The following LCOR variants were observed in gnomAD, a reference collection of about 807,000 sequenced individuals.
The protein encoded by LCOR is ligand dependent nuclear receptor corepressor.
LCOR carries 14 observed loss-of-function variants against 64.4 expected under a neutral mutation model. That is an observed-to-expected ratio of 0.22 (90% CI 0.14 to 0.34). LCOR has a LOEUF of 0.34. LCOR is among the 10% of genes least tolerant of loss of function. LCOR has a pLI of 1.00. For synonymous variants in LCOR, 643 were observed against 642.5 expected, an observed-to-expected ratio of 1.00 and a Z score of -0.01; for missense variants, 1,686 against 1,765.3, an observed-to-expected ratio of 0.96 and a Z score of 0.80.
intron 6 of LCOR, 110 bp from the exon 7 acceptor site, chr10:96,951,993 A>G: frequency 2.9e-6 from 2 of 679,242 alleles, no homozygotes; most frequent in South Asian, 3.7e-5. Flanking sequence ...TGACTAGCAT[A>G]TCTGCTTAGT....
chr10:96,945,418 A>G (rs933740412), intron 5 of LCOR, among the ~76,000 whole-genome samples: 3 of 152,078 alleles, frequency 2.0e-5, no homozygotes, highest in African/African-American at 4.8e-5. Flanking sequence ...ATTTTCTTCC[A>G]TTAGATCCCT....
chr10:96,874,985 C>G (rs1373638426), intron 2 of LCOR, among the ~76,000 whole-genome samples: 2 of 152,018 alleles, frequency 1.3e-5, no homozygotes, highest in Non-Finnish European at 2.9e-5. Context: ...GAGATTCCAT[C>G]CAGACATCTT....
At chr10:96,970,864 C>T in intron 7 of LCOR, among the ~76,000 whole-genome samples, 1 of 151,964 alleles carries the variant, frequency 6.6e-6, no homozygotes, top group Admixed American at 6.6e-5. Flanking sequence ...GGCAATCCTC[C>T]TGCCTCGGCC....
intron 2 of LCOR, among the ~76,000 whole-genome samples, chr10:96,873,569 CACGTGTGTGTGT>C (rs1430285133): frequency 7.2e-5 from 6 of 83,462 alleles, no homozygotes; most frequent in African/African-American, 2.3e-4. Flanking sequence ...CACACACACA[CACGTGTGTGTGT>C]GTGTGTGTGT....
chr10:96,957,705 A>G, intron 7 of LCOR: 8 of 985,428 alleles, frequency 8.1e-6, no homozygotes, highest in Non-Finnish European at 9.6e-6. Flanking sequence ...AATTAATTAA[A>G]TTAGGTTAAG....
chr10:96,972,549 G>A (rs1848007518), intron 7 of LCOR, among the ~76,000 whole-genome samples: 1 of 152,144 alleles, frequency 6.6e-6, no homozygotes, highest in South Asian at 2.1e-4. Context: ...ACATTTGTCT[G>A]TAGGGTAAAA....
chr10:96,903,841 G>A (rs1377198008), intron 2 of LCOR, among the ~76,000 whole-genome samples: 1 of 152,172 alleles, frequency 6.6e-6, no homozygotes, highest in Non-Finnish European at 1.5e-5. Context: ...TTCTGTGAGA[G>A]AAACATTGTT....
Position 96,985,958 on chromosome 10 carries a change from C to T in LCOR, c.*824C>T, listed in dbSNP as rs922203324. On this transcript the variant is annotated 3_prime_UTR_variant, in exon 8 of 8. Transcript: ENST00000421806. ...CTCCTGCAAGGCTTCCATCCTACTTCGGGAGGAAAAAGCCTAGGATTTTTT... is the reference window on the plus strand; with the variant it reads ...CTCCTGCAAGGCTTCCATCCTACTTTGGGAGGAAAAAGCCTAGGATTTTTT... 4.2e-5 allele frequency: 7 copies of T among 166,936 alleles called. No homozygotes were observed. Among genetic ancestry groups the T allele is most frequent in the Admixed American group, 2.6e-4 (4 of 15,308 alleles). 10.3% of individuals were successfully genotyped at this position (166,936 alleles called of 1,614,324 possible). A position where few individuals can be genotyped will look rare whatever the true frequency, so the allele number is the denominator to read the frequency against.
intron 2 of LCOR, among the ~76,000 whole-genome samples, chr10:96,869,688 C>A (rs1424189021): frequency 6.6e-6 from 1 of 151,740 alleles, no homozygotes; most frequent in Admixed American, 6.6e-5. Flanking sequence ...GATTCTCCTG[C>A]CTCAGCCTTC....
intron 2 of LCOR, among the ~76,000 whole-genome samples, chr10:96,857,442 G>T (rs113385760): frequency 9.9e-5 from 15 of 152,268 alleles, no homozygotes; most frequent in African/African-American, 3.6e-4. Flanking sequence ...ATCATGTCCA[G>T]CTTCAGCTGG....
At chr10:96,906,749 T>C (rs182138672) in intron 2 of LCOR, among the ~76,000 whole-genome samples, 1 of 152,334 alleles carries the variant, frequency 6.6e-6, no homozygotes, top group Non-Finnish European at 1.5e-5. Flanking sequence ...CAAAAGTCTT[T>C]TAAAAGTCTT....
chr10:96,927,407 A>G (rs1171130560), intron 4 of LCOR, among the ~76,000 whole-genome samples: 4 of 152,162 alleles, frequency 2.6e-5, no homozygotes, highest in South Asian at 2.1e-4. Context: ...ATGTTATACA[A>G]ATATTTTCTC....
At chr10:96,841,520 C>A (rs1845541312) in intron 2 of LCOR, among the ~76,000 whole-genome samples, 1 of 151,820 alleles carries the variant, frequency 6.6e-6, no homozygotes, top group Admixed American at 6.6e-5. Flanking sequence ...GCCACCATGC[C>A]CGGCTAATTT....
chr10:96,867,884 AT>A (rs903272314), intron 2 of LCOR, among the ~76,000 whole-genome samples: 1 of 151,176 alleles, frequency 6.6e-6, no homozygotes, highest in African/African-American at 2.4e-5. Context: ...GAATATATTA[AT>A]TTTTTTTTCT....
intron 4 of LCOR, among the ~76,000 whole-genome samples, chr10:96,915,384 G>A (rs1425159725): frequency 1.3e-5 from 2 of 152,252 alleles, no homozygotes; most frequent in East Asian, 3.9e-4. Context: ...AGCCAGGCGT[G>A]GTGACGTGCG....
At position 96,920,786 on chromosome 10, in the gene LCOR, ACACACG is replaced by A. The variant is rs1245188376; in HGVS notation, c.-184+13041_-184+13046del. On this transcript the variant is annotated intron_variant, in intron 4 of 7. Transcript: ENST00000421806. The stretch of plus-strand genomic sequence containing the variant: ...CACACACACACACACACACACACAC[ACACACG>A]CGCGGTGGGGGGGTGGTGGGCGGGA... 3.9e-3 allele frequency among the ~76,000 whole-genome samples: 461 copies of A among 117,918 alleles called. 12 individuals are homozygous for A. Among genetic ancestry groups the A allele is most frequent in the Admixed American group, 5.6e-3 (72 of 12,816 alleles). The allele number at this position is 117,918 out of a possible 152,430, so 77.4% of individuals were successfully genotyped here.
chr10:96,924,612 C>A (rs1041461794), intron 4 of LCOR, among the ~76,000 whole-genome samples: 3 of 151,784 alleles, frequency 2.0e-5, no homozygotes, highest in African/African-American at 7.3e-5. Context: ...TACAAAAATA[C>A]CTATATACCC....
intron 4 of LCOR, among the ~76,000 whole-genome samples, chr10:96,927,455 GT>G (rs879474796): frequency 1.4e-3 from 206 of 148,328 alleles, no homozygotes; most frequent in South Asian, 1.7e-3. Flanking sequence ...TTGAAAAGCA[GT>G]TTTTTTTTTA....
rs768032236 is a variant in LCOR at position 96,984,244 on chromosome 10, C to T, written c.3784C>T (p.Arg1262Ter). The stretch of plus-strand genomic sequence containing the variant: ...AATGCAGAAGCTCTGGGCCAAATTT[C>T]GAGAGAATCCTGATCAAGTGGAGCC... ...WKMQKLWAKF[R>*]ENPDQVEPED... The change falls in exon 8 of 8, where the codon CGA becomes TGA. Residue 1262 changes from arginine (R) to a stop codon, truncating the protein, a stop_gained. Coordinates refer to ENST00000421806, the MANE Select transcript of LCOR (RefSeq NM_001346516.2). LOFTEE classifies it high-confidence loss of function. 2 of 1,614,090 alleles carry T rather than the reference C, an allele frequency of 1.2e-6. No homozygotes were observed. Among genetic ancestry groups the T allele is most frequent in the Non-Finnish European group, 1.7e-6 (2 of 1,180,014 alleles).
Sources: gnomAD v4.1 joint callset for allele counts (sites outside exome capture counted in the v4.1 genomes callset) on GRCh38, gnomAD v4.1.1 for gene constraint, MANE v1.5 for transcripts, NCBI Gene and HGNC (gene_info 2026-07-23, HGNC 2026-07-21) for gene names.